DAG1: variants seen among roughly 807,000 people sequenced by gnomAD.
DAG1 encodes the protein dystroglycan 1 (dystrophin-associated glycoprotein 1).
In DAG1, 8 loss-of-function variants were observed where a neutral mutation model predicts 46.1. The observed-to-expected ratio is 0.17, with a 90% CI of 0.10 to 0.31. The LOEUF is 0.31. Among genes scored for constraint, DAG1 ranks in the 10% least tolerant of loss-of-function variants. The pLI, the probability that DAG1 is intolerant of heterozygous loss-of-function variation, is 1.00. For synonymous variants in DAG1, 495 were observed against 481.8 expected, an observed-to-expected ratio of 1.03 and a Z score of -0.36; for missense variants, 1,003 against 1,189.9, an observed-to-expected ratio of 0.84 and a Z score of 2.31.
intron 1 of DAG1, among the ~76,000 whole-genome samples, chr3:49,502,432 C>CA (rs1293781283): frequency 6.6e-6 from 1 of 152,132 alleles, no homozygotes; most frequent in Non-Finnish European, 1.5e-5. Flanking sequence ...AAAAGTGACC[C>CA]AGCCATCTAC....
Position 49,532,332 on chromosome 3 carries a change from G to A in DAG1, c.1821G>A (p.Arg607=). The change falls in exon 3 of 3, where the codon AGG becomes AGA. Residue 607 remains arginine (R), a synonymous_variant. Transcript: ENST00000308775. This position sits in a 1 kb window ranked among gnomAD's most constrained non-coding sequence, Gnocchi z 5.4. Reference sequence around the variant, plus strand: ...CCCAAGGGGATAGGGCTCCTGCAAGGTTCAAGGCCAAGTTTGTGGGTGACC... The same window carrying A: ...CCCAAGGGGATAGGGCTCCTGCAAGATTCAAGGCCAAGTTTGTGGGTGACC... ...RRPQGDRAPA[R]FKAKFVGDPA... is the part of the protein sequence containing the mutation. 6.2e-7 allele frequency: 1 copy of A among 1,614,162 alleles called. No homozygotes were observed. Among genetic ancestry groups the A allele is most frequent in the Non-Finnish European group, 8.5e-7 (1 of 1,180,044 alleles).
At chr3:49,486,063 C>T (rs1388595445) in intron 1 of DAG1, among the ~76,000 whole-genome samples, 1 of 151,862 alleles carries the variant, frequency 6.6e-6, no homozygotes, top group Non-Finnish European at 1.5e-5. Context: ...CTGGGAGAGG[C>T]CTGGGGAGGC....
intron 1 of DAG1, among the ~76,000 whole-genome samples, chr3:49,473,845 A>G (rs1245928475): frequency 6.6e-6 from 1 of 150,710 alleles, no homozygotes; most frequent in East Asian, 2.0e-4. Flanking sequence ...CAGCCTCCCA[A>G]AGTGTTGAGA....
rs553234588 is a variant in DAG1, at chr3:49,473,052, C to T, written c.-117+2619C>T. Among the ~76,000 whole-genome samples the T allele has an allele frequency of 2.3e-4, 35 of 151,544 alleles. No individual in the cohort carries two copies. The South Asian group carries it at 6.0e-3, about 26-fold the overall frequency. On this transcript the variant is annotated intron_variant, in intron 1 of 2. Transcript: ENST00000308775. ...AGGAGAATCGCTTGAACCCGGGAGGCGGAGGTTGCAGTGAGCTGAAAGCCT... is the reference window on the plus strand; with the variant it reads ...AGGAGAATCGCTTGAACCCGGGAGGTGGAGGTTGCAGTGAGCTGAAAGCCT...
chr3:49,486,803 TGA>T (rs2050044631), intron 1 of DAG1, among the ~76,000 whole-genome samples: 1 of 152,026 alleles, frequency 6.6e-6, no homozygotes, highest in Non-Finnish European at 1.5e-5. Context: ...GCGCTCAGCC[TGA>T]TATGAATATT....
At chr3:49,497,657 T>G (rs2050350527) in intron 1 of DAG1, among the ~76,000 whole-genome samples, 1 of 152,068 alleles carries the variant, frequency 6.6e-6, no homozygotes, top group Non-Finnish European at 1.5e-5. Context: ...TTTTAAATTG[T>G]GAAAAACACA....
In DAG1 at chr3:49,531,034, G is replaced by C. The variant is rs1223908499; in HGVS notation, c.523G>C (p.Gly175Arg). ...QSVRTASPDP[G>R]EVVSSACAAD... ...GGTGAGGACAGCCTCCCCAGACCCT[G>C]GTGAGGTGGTATCATCTGCCTGTGC... The change falls in exon 3 of 3, where the codon GGT becomes CGT. Residue 175 changes from glycine (G) to arginine (R), a missense_variant. Physicochemically the swap from Gly to Arg is moderately radical, Grantham distance 125. Transcript: ENST00000308775. This position sits in a 1 kb window ranked among gnomAD's most constrained non-coding sequence, Gnocchi z 7.0. The C allele has an allele frequency of 6.2e-7, 1 of 1,614,180 alleles. No individual in the cohort carries two copies. Among genetic ancestry groups the C allele is most frequent in the Admixed American group, 1.7e-5 (1 of 60,028 alleles).
intron 1 of DAG1, among the ~76,000 whole-genome samples, chr3:49,499,659 C>G (rs1037469316): frequency 1.3e-5 from 2 of 152,110 alleles, no homozygotes; most frequent in East Asian, 3.9e-4. Context: ...AGAATGGGGT[C>G]ATAAGGGCCT....
At chr3:49,509,752 C>G (rs924403698) in intron 1 of DAG1, among the ~76,000 whole-genome samples, 1 of 151,058 alleles carries the variant, frequency 6.6e-6, no homozygotes, top group East Asian at 1.9e-4. Flanking sequence ...TTTTTGAGGT[C>G]GAGTCTCACT....
chr3:49,519,913 C>G (rs901474799), intron 2 of DAG1, among the ~76,000 whole-genome samples: 5 of 152,180 alleles, frequency 3.3e-5, no homozygotes, highest in Admixed American at 3.3e-4. Flanking sequence ...GAACAGTGAA[C>G]ATGAGATAAA....
rs148514520 is a variant in DAG1 at position 49,532,706 on chromosome 3, C to T, written c.2195C>T (p.Pro732Leu). ...VPPRRVPSEA[P>L]PTEVPDRDPE... ...CCCAGGAGAGTGCCCTCAGAGGCGC[C>T]GCCCACAGAAGTGCCTGACAGGGAC... The change falls in exon 3 of 3, where the codon CCG (proline) becomes CTG (leucine). Residue 732 changes from proline to leucine, a missense_variant. Physicochemically the swap from Pro to Leu is moderately conservative, Grantham distance 98. Transcript: ENST00000308775. This position sits in a 1 kb window ranked among gnomAD's most constrained non-coding sequence, Gnocchi z 5.4. The T allele has an allele frequency of 6.2e-6, 10 of 1,614,020 alleles. No individual in the cohort carries two copies. The highest frequency in any genetic ancestry group is 1.7e-5 in the Admixed American group (1 of 60,014).
chr3:49,482,127 G>A (rs1226342651), intron 1 of DAG1, among the ~76,000 whole-genome samples: 1 of 152,272 alleles, frequency 6.6e-6, no homozygotes, highest in African/African-American at 2.4e-5. Flanking sequence ...TTAACAAAAT[G>A]TTTACAAGCA....
intron 1 of DAG1, among the ~76,000 whole-genome samples, chr3:49,492,205 G>A (rs1408344539): frequency 2.0e-5 from 3 of 152,198 alleles, no homozygotes; most frequent in Non-Finnish European, 4.4e-5. Context: ...GATTACAGGC[G>A]TGAGCCACCG....
At chr3:49,476,934 C>T (rs182390034) in intron 1 of DAG1, 1 of 152,216 alleles carries the variant, frequency 6.6e-6, no homozygotes, top group Non-Finnish European at 1.5e-5. Flanking sequence ...GACATTTCTG[C>T]AAAAGAAAGT....
chr3:49,481,005 C>G (rs1222194442), intron 1 of DAG1, among the ~76,000 whole-genome samples: 2 of 147,032 alleles, frequency 1.4e-5, no homozygotes, highest in East Asian at 4.1e-4. Flanking sequence ...TCGTGATCCG[C>G]CCGCTTCGGC....
Position 49,517,970 on chromosome 3 carries a change from C to A in DAG1, c.285+7151C>A, listed in dbSNP as rs1402368439. ...CTCAGCAGAGAAAGGCCAGTGCCCA[C>A]ATGTGGCAGGGTTGTCAATTTGAGT... On this transcript the variant is annotated intron_variant, in intron 2 of 2. Coordinates refer to ENST00000308775, the MANE Select transcript of DAG1 (RefSeq NM_004393.6). Among the ~76,000 whole-genome samples the A allele has an allele frequency of 2.0e-5, 3 of 152,166 alleles. No homozygotes were observed. In the South Asian group the frequency reaches 6.2e-4, roughly 32 times the overall value.
At chr3:49,499,548 A>T (rs1229979146) in intron 1 of DAG1, among the ~76,000 whole-genome samples, 2 of 152,210 alleles carry the variant, frequency 1.3e-5, no homozygotes, top group African/African-American at 4.8e-5. Flanking sequence ...GTTGAGTGGA[A>T]AGCATTTATT....
At chr3:49,506,860 C>G (rs1239374030) in intron 1 of DAG1, among the ~76,000 whole-genome samples, 3 of 151,514 alleles carry the variant, frequency 2.0e-5, no homozygotes, top group Non-Finnish European at 4.4e-5. Flanking sequence ...GCCTATAGTC[C>G]TAGCTACTCA....
At chr3:49,496,498 C>T (rs7651372) in intron 1 of DAG1, among the ~76,000 whole-genome samples, 29,850 of 151,264 alleles carry the variant, frequency 0.2, 3,343 homozygotes, top group Middle Eastern at 0.28. Flanking sequence ...GCTGGGATTA[C>T]AGGCGTGTGC....
Sources: allele counts gnomAD v4.1 joint callset (sites outside exome capture counted in the v4.1 genomes callset), GRCh38; gene constraint gnomAD v4.1.1; non-coding constraint Gnocchi (gnomAD v3.1); transcripts MANE v1.5; gene names NCBI Gene and HGNC (gene_info 2026-07-23, HGNC 2026-07-21).